Variants in SLC30A9 observed in about 807,000 individuals in gnomAD.
SLC30A9 encodes the protein proton-coupled zinc antiporter SLC30A9, mitochondrial.
Under a neutral mutation model 87.5 loss-of-function variants are expected in SLC30A9, and 58 were observed. That is an observed-to-expected ratio of 0.66 (90% CI 0.54 to 0.82). The LOEUF is 0.82. SLC30A9 is among the 40% of genes least tolerant of loss of function. The pLI, the probability that SLC30A9 is intolerant of heterozygous loss-of-function variation, is 0.00. For synonymous variants in SLC30A9, 234 were observed against 233.0 expected (o/e 1.00, Z -0.04); for missense variants, 557 against 679.1 (o/e 0.82, Z 2.00).
At position 42,065,285 on chromosome 4, in the gene SLC30A9, CTTTAT is replaced by C. The variant is rs771172066; in HGVS notation, c.1033-20_1033-16del. ...TGTGATTGGAAGTACTTAATTTATG[CTTTAT>C]TTTAATATTTCTTTTCTAGGCATAT... is the stretch of plus-strand genomic sequence containing the variant. On this transcript the variant is annotated intron_variant, in intron 11 of 17. Transcript: ENST00000264451. 46 of 1,136,544 alleles carry C rather than the reference CTTTAT, an allele frequency of 4.0e-5. No homozygotes were observed. The highest frequency in any genetic ancestry group is 5.2e-5 in the Non-Finnish European group (39 of 748,754). 70.4% of individuals were successfully genotyped at this position (1,136,544 alleles called of 1,614,324 possible). A position where few individuals can be genotyped will look rare whatever the true frequency, so the allele number is the denominator to read the frequency against.
chr4:42,001,932 C>A lies in SLC30A9; in HGVS notation c.274+152C>A, dbSNP rs74499258. On this transcript the variant is annotated intron_variant, in intron 2 of 17. Transcript: ENST00000264451. ...AACTATTAAAGCACTTATTTAATTT[C>A]TTTATTTTTTCTATTTCTTTTTGAC... 9.7e-3 allele frequency: 5,313 copies of A among 549,124 alleles called. 31 individuals carry two copies. The highest frequency in any genetic ancestry group is 0.012 in the Non-Finnish European group (3,842 of 321,580). 34.0% of individuals were successfully genotyped at this position (549,124 alleles called of 1,614,324 possible). A position where few individuals can be genotyped will look rare whatever the true frequency, so the allele number is the denominator to read the frequency against.
chr4:42,050,356 A>G (rs13143152), intron 9 of SLC30A9, among the ~76,000 whole-genome samples: 7 of 152,186 alleles, frequency 4.6e-5, no homozygotes, highest in African/African-American at 1.4e-4. Context: ...CAACTGTGGT[A>G]TGCAGTGGGA....
chr4:42,051,655 ACAGT>A (rs1397605118), intron 9 of SLC30A9, among the ~76,000 whole-genome samples: 2 of 152,194 alleles, frequency 1.3e-5, no homozygotes, highest in Non-Finnish European at 2.9e-5. Flanking sequence ...TGCAGGTAAA[ACAGT>A]CAGTGAACCT....
chr4:42,085,228 A>G (rs1403306237), intron 17 of SLC30A9, among the ~76,000 whole-genome samples: 1 of 152,190 alleles, frequency 6.6e-6, no homozygotes, highest in Non-Finnish European at 1.5e-5. Context: ...TAGATATTAT[A>G]TCCTCAGTGA....
At chr4:42,049,796 A>T (rs887471332) in intron 9 of SLC30A9, among the ~76,000 whole-genome samples, 2 of 152,168 alleles carry the variant, frequency 1.3e-5, no homozygotes, top group African/African-American at 2.4e-5. Context: ...AAAGATGTAA[A>T]ATCATATGTA....
At chr4:42,041,148 C>T (rs1716906447) in intron 8 of SLC30A9, among the ~76,000 whole-genome samples, 1 of 152,174 alleles carries the variant, frequency 6.6e-6, no homozygotes, top group African/African-American at 2.4e-5. Context: ...ATGGGAAAGA[C>T]CCACCCTCAT....
At chr4:42,035,089 A>G (rs1025197971) in intron 6 of SLC30A9, among the ~76,000 whole-genome samples, 186 bp from the exon 7 acceptor site, 4 of 152,134 alleles carry the variant, frequency 2.6e-5, no homozygotes, top group African/African-American at 9.7e-5. Context: ...ATCTTTGGAG[A>G]AATGTCTATT....
chr4:42,031,138 C>T (rs1005122884), intron 6 of SLC30A9, among the ~76,000 whole-genome samples: 1 of 151,872 alleles, frequency 6.6e-6, no homozygotes, highest in Admixed American at 6.6e-5. Flanking sequence ...TGCAGTACTC[C>T]ATAGACTGGT....
At chr4:42,058,121 A>AC (rs1553918169) in intron 9 of SLC30A9, among the ~76,000 whole-genome samples, 1 of 134,370 alleles carries the variant, frequency 7.4e-6, no homozygotes, top group Non-Finnish European at 1.6e-5. Context: ...AAAAAAAAAA[A>AC]CTGAATTCCT....
intron 6 of SLC30A9, chr4:42,029,558 C>A (rs1560543705): frequency 4.3e-6 from 3 of 692,096 alleles, no homozygotes; most frequent in Non-Finnish European, 8.0e-6. Context: ...TACAAAGATT[C>A]AGCCCAGAAG....
intron 2 of SLC30A9, among the ~76,000 whole-genome samples, chr4:42,011,528 A>G (rs1484321164): frequency 2.6e-5 from 4 of 152,202 alleles, no homozygotes; most frequent in Non-Finnish European, 4.4e-5. Context: ...TGAGTTTTGC[A>G]TAGAGGTATT....
At chr4:42,007,345 G>T (rs1715251510) in intron 2 of SLC30A9, among the ~76,000 whole-genome samples, 1 of 152,100 alleles carries the variant, frequency 6.6e-6, no homozygotes. Context: ...ATGATGGCTT[G>T]GTTTGCACAT....
At chr4:42,050,721 G>A (rs921939406) in intron 9 of SLC30A9, among the ~76,000 whole-genome samples, 10 of 152,164 alleles carry the variant, frequency 6.6e-5, no homozygotes, top group Admixed American at 6.5e-4. Flanking sequence ...ACAACTAAAA[G>A]CTAGACAGTA....
Position 42,070,572 on chromosome 4 carries a change from ATTAGGCATGG to A in SLC30A9, c.1301_1310del (p.Leu434SerfsTer14). 1 of 1,613,434 alleles carries A rather than the reference ATTAGGCATGG, an allele frequency of 6.2e-7. No individual in the cohort carries two copies. Among genetic ancestry groups the A allele is most frequent in the Non-Finnish European group, 8.5e-7 (1 of 1,179,742 alleles). ...TAGGTTCTTTGGGTGTGGGCACCTT[ATTAGGCATGG>A]TCTCAGCATTCCTCATCTACACTAA... On this transcript the variant is annotated frameshift_variant, in exon 15 of 18. Coordinates refer to ENST00000264451, the MANE Select transcript of SLC30A9 (RefSeq NM_006345.4). LOFTEE classifies it high-confidence loss of function.
intron 1 of SLC30A9, among the ~76,000 whole-genome samples, chr4:41,996,957 C>T (rs191552565): frequency 3.4e-4 from 52 of 151,866 alleles, no homozygotes; most frequent in Middle Eastern, 3.4e-3. Flanking sequence ...TCACTTGAAC[C>T]CGGGAGGTAG....
intron 7 of SLC30A9, among the ~76,000 whole-genome samples, chr4:42,037,041 T>C (rs1300940902): frequency 2.7e-5 from 4 of 147,734 alleles, no homozygotes; most frequent in African/African-American, 9.7e-5. Context: ...TGGTCAACTT[T>C]TGAATATTCC....
intron 9 of SLC30A9, 56 bp from the exon 10 acceptor site, chr4:42,060,135 T>A: frequency 7.4e-7 from 1 of 1,358,840 alleles, no homozygotes; most frequent in Non-Finnish European, 1.1e-6. Flanking sequence ...GGCTTTACCA[T>A]ATTATACTCT....
At chr4:42,073,914 C>T (rs866441347) in intron 15 of SLC30A9, among the ~76,000 whole-genome samples, 4 of 152,266 alleles carry the variant, frequency 2.6e-5, no homozygotes, top group South Asian at 2.1e-4. Context: ...TATGGGAGCC[C>T]TCCAAACAGT....
rs188919497 is a variant in SLC30A9 at position 42,084,158 on chromosome 4, A to T, written c.1663-1924A>T. Among the ~76,000 whole-genome samples the T allele has an allele frequency of 3.2e-3, 491 of 152,338 alleles. 1 individual carries two copies. The highest frequency in any genetic ancestry group is 0.011 in the African/African-American group (470 of 41,584). ...TTTTTATCAATAATGCACAAAGTTT[A>T]TAAAGTCAAATAGAACTGAAAAGAT... is the stretch of plus-strand genomic sequence containing the variant. On this transcript the variant is annotated intron_variant, in intron 17 of 17. Transcript: ENST00000264451.
Sources: allele counts gnomAD v4.1 joint callset (sites outside exome capture counted in the v4.1 genomes callset), GRCh38; gene constraint gnomAD v4.1.1; transcripts MANE v1.5; gene names NCBI Gene and HGNC (gene_info 2026-07-23, HGNC 2026-07-21).